Variants in VWC2 observed in about 807,000 individuals in gnomAD.
VWC2 encodes von Willebrand factor C domain containing 2.
A neutral mutation model predicts 29.8 loss-of-function variants in VWC2; 14 were observed. The observed-to-expected ratio is 0.47, with a 90% CI of 0.31 to 0.74. The LOEUF is 0.74. Ranked by LOEUF, VWC2 falls within the 30% of genes least tolerant of loss-of-function variation. The pLI is 0.05. For synonymous variants in VWC2, 213 were observed against 199.0 expected (o/e 1.07, Z -0.59); for missense variants, 457 against 459.8 (o/e 0.99, Z 0.05).
At chr7:49,853,790 G>C (rs1428124460) in intron 3 of VWC2, among the ~76,000 whole-genome samples, 2 of 151,964 alleles carry the variant, frequency 1.3e-5, no homozygotes, top group East Asian at 1.9e-4. Flanking sequence ...ATGTATACGT[G>C]TGCCATGTTG....
Position 49,848,567 on chromosome 7 carries a change from C to T in VWC2, c.826+45727C>T, listed in dbSNP as rs138548825. Among the ~76,000 whole-genome samples, 236 of 152,354 alleles carry T rather than the reference C, an allele frequency of 1.5e-3. 3 individuals are homozygous for T. The highest frequency in any genetic ancestry group is 5.4e-3 in the African/African-American group (226 of 41,584). On this transcript the variant is annotated intron_variant, in intron 3 of 3. Coordinates refer to ENST00000340652, the MANE Select transcript of VWC2 (RefSeq NM_198570.5). ...TCTGCTCTCTCGTTTCCTGGTTTAT[C>T]ACCCAGCTCCTCTCTAGCTGCTCTC...
chr7:49,776,580 T>G (rs1009415553), intron 2 of VWC2, among the ~76,000 whole-genome samples: 1 of 152,204 alleles, frequency 6.6e-6, no homozygotes, highest in African/African-American at 2.4e-5. Flanking sequence ...TTTCCCTAGA[T>G]TATGTGTTTA....
chr7:49,788,299 C>A (rs558355524), intron 2 of VWC2, among the ~76,000 whole-genome samples: 7 of 152,202 alleles, frequency 4.6e-5, no homozygotes, highest in African/African-American at 1.7e-4. Context: ...GGGGTGCGAG[C>A]AGGGCTGTTG....
intron 3 of VWC2, among the ~76,000 whole-genome samples, chr7:49,828,672 A>T (rs1789458804): frequency 6.6e-6 from 1 of 152,156 alleles, no homozygotes; most frequent in Admixed American, 6.5e-5. Flanking sequence ...GTATTCTGAT[A>T]CTTTGACATC....
intron 3 of VWC2, chr7:49,850,389 GC>G (rs1334192352): frequency 6.6e-6 from 1 of 152,248 alleles, no homozygotes; most frequent in Non-Finnish European, 1.5e-5. Context: ...CCATGACATA[GC>G]TTCACATCCA....
chr7:49,821,425 A>C (rs960974795), intron 3 of VWC2, among the ~76,000 whole-genome samples: 3 of 152,242 alleles, frequency 2.0e-5, no homozygotes, highest in Non-Finnish European at 4.4e-5. Flanking sequence ...ATGAATGCTC[A>C]TTGATAGCAG....
intron 3 of VWC2, among the ~76,000 whole-genome samples, chr7:49,809,832 T>C (rs1788960514): frequency 1.3e-5 from 2 of 152,004 alleles, no homozygotes; most frequent in Admixed American, 1.3e-4. Flanking sequence ...TCATTTATGA[T>C]TGAAGCTTTC....
chr7:49,873,916 A>C (rs536874114), intron 3 of VWC2, among the ~76,000 whole-genome samples: 10 of 152,132 alleles, frequency 6.6e-5, no homozygotes, highest in South Asian at 2.1e-4. Context: ...TAAAAAAAAA[A>C]AACAACAAAA....
chr7:49,802,632 CA>C, intron 2 of VWC2, 78 bp from the exon 3 acceptor site: 1 of 1,574,762 alleles, frequency 6.4e-7, no homozygotes, highest in South Asian at 1.2e-5. Context: ...AGCGAGACTC[CA>C]TTTCAAAAAA....
At chr7:49,887,767 A>C (rs2128729298) in intron 3 of VWC2, among the ~76,000 whole-genome samples, 1 of 152,250 alleles carries the variant, frequency 6.6e-6, no homozygotes, top group Middle Eastern at 3.4e-3. Flanking sequence ...ACACCAACCC[A>C]TGGCACTTCC....
chr7:49,776,516 G>T (rs905187312), intron 2 of VWC2, among the ~76,000 whole-genome samples: 1 of 152,134 alleles, frequency 6.6e-6, no homozygotes, highest in African/African-American at 2.4e-5. Context: ...TACCATTTGG[G>T]ATATATTCTT....
At chr7:49,798,848 G>A (rs576059257) in intron 2 of VWC2, among the ~76,000 whole-genome samples, 75 of 152,342 alleles carry the variant, frequency 4.9e-4, no homozygotes, top group Non-Finnish European at 9.4e-4. Flanking sequence ...GCTGTGCAAG[G>A]CCTAGGTTTG....
chr7:49,851,060 G>A (rs1440021984), intron 3 of VWC2, among the ~76,000 whole-genome samples: 1 of 152,216 alleles, frequency 6.6e-6, no homozygotes, highest in African/African-American at 2.4e-5. Flanking sequence ...CACAGAGTCA[G>A]TTTCTTCTGG....
chr7:49,884,643 C>G (rs536717898), intron 3 of VWC2, among the ~76,000 whole-genome samples: 2 of 152,158 alleles, frequency 1.3e-5, no homozygotes, highest in African/African-American at 4.8e-5. Flanking sequence ...TTATATAGGA[C>G]AGTTGAGCTG....
rs373216341 is a variant in VWC2, at chr7:49,783,634, G to T, written c.696+7503G>T. ...CATTCTATTTCTGTCGGGCACTGGG[G>T]TGCGGCCAGGACATAGACTGCCTTT... is the stretch of plus-strand genomic sequence containing the variant. On this transcript the variant is annotated intron_variant, in intron 2 of 3. Coordinates refer to ENST00000340652, the MANE Select transcript of VWC2 (RefSeq NM_198570.5). Among the ~76,000 whole-genome samples the T allele has an allele frequency of 3.1e-4, 47 of 152,306 alleles. No homozygotes were observed. The East Asian group carries it at 8.9e-3, about 29-fold the overall frequency.
rs566602940 is a variant in VWC2, at chr7:49,778,432, G to A, written c.696+2301G>A. ...TGCACACATGCTTGAACGTTGCAAA[G>A]TTGTTACATATTTTTAATTATATGC... On this transcript the variant is annotated intron_variant, in intron 2 of 3. Coordinates refer to ENST00000340652, the MANE Select transcript of VWC2 (RefSeq NM_198570.5). Among the ~76,000 whole-genome samples the A allele has an allele frequency of 1.1e-3, 173 of 152,294 alleles. 2 individuals are homozygous for A. The highest frequency in any genetic ancestry group is 0.01 in the Middle Eastern group (3 of 294).
chr7:49,799,904 A>G (rs1300518314), intron 2 of VWC2, among the ~76,000 whole-genome samples: 1 of 152,244 alleles, frequency 6.6e-6, no homozygotes, highest in Non-Finnish European at 1.5e-5. Context: ...GTTATAACAC[A>G]TGGTATTTTT....
At chr7:49,849,584 T>C (rs1194210467) in intron 3 of VWC2, among the ~76,000 whole-genome samples, 1 of 152,364 alleles carries the variant, frequency 6.6e-6, no homozygotes, top group African/African-American at 2.4e-5. Flanking sequence ...TGCCTCTTTT[T>C]GTTTCACAAA....
intron 3 of VWC2, among the ~76,000 whole-genome samples, chr7:49,836,721 A>T (rs140198720): frequency 2.0e-4 from 31 of 152,168 alleles, no homozygotes; most frequent in African/African-American, 7.2e-4. Context: ...ATTTATAAAA[A>T]ATCTTTCTTG....
Sources: gnomAD v4.1 joint callset for allele counts (sites outside exome capture counted in the v4.1 genomes callset) on GRCh38, gnomAD v4.1.1 for gene constraint, MANE v1.5 for transcripts, NCBI Gene and HGNC (gene_info 2026-07-23, HGNC 2026-07-21) for gene names.